PCDH15: variants seen among roughly 807,000 people sequenced by gnomAD.
PCDH15 encodes protocadherin-15.
Under a neutral mutation model 178.5 loss-of-function variants are expected in PCDH15, and 129 were observed. The observed-to-expected ratio is 0.72, with a 90% CI of 0.63 to 0.84. The LOEUF (loss-of-function observed/expected upper bound fraction) is 0.84, where lower values mean the gene tolerates loss of function less well. PCDH15 is among the 40% of genes least tolerant of loss of function. The pLI, the probability that PCDH15 is intolerant of heterozygous loss-of-function variation, is 0.00. For synonymous variants in PCDH15, 800 were observed against 732.0 expected (o/e 1.09, Z -1.50); for missense variants, 2,230 against 2,099.9 (o/e 1.06, Z -1.21).
chr10:54,622,619 A>ATATATATTATATAT, intron 2 of PCDH15, among the ~76,000 whole-genome samples: 1 of 42,462 alleles, frequency 2.4e-5, no homozygotes, highest in African/African-American at 9.6e-5. Flanking sequence ...ATTATATATA[A>ATATATATTATATAT]TATATATAAT....
chr10:54,718,238 G>A (rs1018692286), intron 1 of PCDH15, among the ~76,000 whole-genome samples: 1 of 150,290 alleles, frequency 6.7e-6, no homozygotes, highest in Non-Finnish European at 1.5e-5. Context: ...TTGTGCACAT[G>A]TACCCTAAAA....
At chr10:55,416,203 C>T (rs886554238) in intron 2 of PCDH15, among the ~76,000 whole-genome samples, 1 of 151,690 alleles carries the variant, frequency 6.6e-6, no homozygotes, top group African/African-American at 2.4e-5. Context: ...GCAATATTTT[C>T]TATCCTTGTT....
At chr10:54,392,249 G>A (rs531513678) in intron 3 of PCDH15, among the ~76,000 whole-genome samples, 19 of 150,958 alleles carry the variant, frequency 1.3e-4, no homozygotes, top group African/African-American at 4.6e-4. Context: ...TGGATCTCCT[G>A]AGGCCAGGAG....
chr10:55,568,404 T>C (rs747153223), intron 2 of PCDH15, among the ~76,000 whole-genome samples: 4 of 151,920 alleles, frequency 2.6e-5, no homozygotes, highest in African/African-American at 4.8e-5. Context: ...CAGGTGCTAA[T>C]GGAGGGAAAA....
chr10:55,600,567 C>T (rs963473522), intron 2 of PCDH15, among the ~76,000 whole-genome samples: 1 of 152,040 alleles, frequency 6.6e-6, no homozygotes, highest in Non-Finnish European at 1.5e-5. Flanking sequence ...GATGTTGGAT[C>T]GGGACATCCT....
chr10:54,024,632 G>T (rs1047687966), intron 18 of PCDH15, among the ~76,000 whole-genome samples: 1 of 152,084 alleles, frequency 6.6e-6, no homozygotes, highest in African/African-American at 2.4e-5. Flanking sequence ...ACTGCCCCTG[G>T]GAGTTTGACA....
intron 2 of PCDH15, among the ~76,000 whole-genome samples, chr10:55,343,820 A>G (rs1009619125): frequency 1.3e-5 from 2 of 152,192 alleles, no homozygotes; most frequent in African/African-American, 4.8e-5. Context: ...CGTGCCAGGC[A>G]TGTTCTATGC....
chr10:54,627,883 C>T (rs551117275), intron 2 of PCDH15, among the ~76,000 whole-genome samples: 3 of 152,278 alleles, frequency 2.0e-5, no homozygotes, highest in South Asian at 4.1e-4. Flanking sequence ...TAAAAATGCT[C>T]GGAGGAGCCT....
intron 2 of PCDH15, among the ~76,000 whole-genome samples, chr10:54,586,714 C>A (rs572852929): frequency 6.6e-6 from 1 of 151,984 alleles, no homozygotes; most frequent in Non-Finnish European, 1.5e-5. Context: ...TAAGTTAGAC[C>A]AGTTACCCAG....
chr10:54,386,460 C>G (rs1189855202), intron 3 of PCDH15, among the ~76,000 whole-genome samples: 1 of 151,992 alleles, frequency 6.6e-6, no homozygotes. Flanking sequence ...TAATAATAAT[C>G]AGATACTTGA....
chr10:53,874,189 G>A (rs1454484868), intron 26 of PCDH15, among the ~76,000 whole-genome samples: 3 of 152,012 alleles, frequency 2.0e-5, no homozygotes, highest in African/African-American at 4.8e-5. Flanking sequence ...GTTTTCAGTA[G>A]CTCAGACAAT....
At chr10:53,944,283 C>G (rs188525444) in intron 23 of PCDH15, among the ~76,000 whole-genome samples, 1 of 152,078 alleles carries the variant, frequency 6.6e-6, no homozygotes, top group South Asian at 2.1e-4. Flanking sequence ...GATCTATGGG[C>G]TGTCAGTTTA....
chr10:54,032,881 C>T (rs889084538), intron 18 of PCDH15, among the ~76,000 whole-genome samples: 10 of 151,920 alleles, frequency 6.6e-5, no homozygotes, highest in African/African-American at 2.4e-4. Context: ...GGGAAGCAGG[C>T]AACTTCTTTA....
chr10:55,243,849 A>G (rs1841617827), intron 1 of PCDH15, among the ~76,000 whole-genome samples: 1 of 152,142 alleles, frequency 6.6e-6, no homozygotes, highest in Non-Finnish European at 1.5e-5. Flanking sequence ...TTTAGAAGAA[A>G]TCATCTGTAT....
chr10:54,992,266 C>T (rs1839520536), intron 2 of PCDH15, among the ~76,000 whole-genome samples: 1 of 152,142 alleles, frequency 6.6e-6, no homozygotes, highest in Non-Finnish European at 1.5e-5. Context: ...CAGCAATTGT[C>T]TTAAGTGAAA....
At chr10:55,542,390 T>C (rs1045264171) in intron 2 of PCDH15, among the ~76,000 whole-genome samples, 4 of 150,940 alleles carry the variant, frequency 2.7e-5, no homozygotes, top group African/African-American at 9.7e-5. Flanking sequence ...ATATAGTGTG[T>C]ACATGGATAC....
intron 10 of PCDH15, among the ~76,000 whole-genome samples, chr10:54,207,909 T>A (rs952988413): frequency 2.8e-4 from 42 of 152,106 alleles, no homozygotes; most frequent in African/African-American, 1.0e-3. Context: ...TTCTTCATCA[T>A]TAATTAGAAG....
chr10:54,819,997 G>A (rs1953010819), intron 3 of PCDH15, among the ~76,000 whole-genome samples: 1 of 75,630 alleles, frequency 1.3e-5, no homozygotes, highest in Admixed American at 1.8e-4. Context: ...ATCAACTGCT[G>A]TCAAAATAAG....
At chr10:54,384,716 A>T (rs1370177552) in intron 3 of PCDH15, among the ~76,000 whole-genome samples, 6 of 152,136 alleles carry the variant, frequency 3.9e-5, no homozygotes, top group African/African-American at 1.4e-4. Context: ...TCACAGAACA[A>T]ATTAAAGTTT....
Sources: gnomAD v4.1 joint callset for allele counts (sites outside exome capture counted in the v4.1 genomes callset) on GRCh38, gnomAD v4.1.1 for gene constraint, MANE v1.5 for transcripts, NCBI Gene and HGNC (gene_info 2026-07-23, HGNC 2026-07-21) for gene names.